MCTP1: variants seen among roughly 807,000 people sequenced by gnomAD.
MCTP1 encodes multiple C2 and transmembrane domain-containing protein 1.
A neutral mutation model predicts 120.6 loss-of-function variants in MCTP1; 69 were observed. The observed-to-expected ratio is 0.57, with a 90% CI of 0.47 to 0.70. MCTP1 has a LOEUF of 0.70. MCTP1 is among the 30% of genes least tolerant of loss of function. The pLI is 0.00. For synonymous variants in MCTP1, 529 were observed against 493.1 expected, an observed-to-expected ratio of 1.07 and a Z score of -0.96; for missense variants, 1,203 against 1,248.8, an observed-to-expected ratio of 0.96 and a Z score of 0.55.
chr5:94,733,822 G>A lies in MCTP1; in HGVS notation c.2611-18936C>T, dbSNP rs188124149. ...CTACTAAAAATACAAAAATTAGCCGGGCGTGGTGGCGGGCACCTGTAGTCC... is the reference window on the plus strand; with the variant it reads ...CTACTAAAAATACAAAAATTAGCCGAGCGTGGTGGCGGGCACCTGTAGTCC... On this transcript the variant is annotated intron_variant, in intron 19 of 22. Transcript: ENST00000515393. Among the ~76,000 whole-genome samples, 878 of 151,940 alleles carry A rather than the reference G, an allele frequency of 5.8e-3. 9 individuals are homozygous for A. The highest frequency in any genetic ancestry group is 0.02 in the African/African-American group (837 of 41,432).
At chr5:94,844,031 G>A (rs1049369685) in intron 17 of MCTP1, among the ~76,000 whole-genome samples, 2 of 152,058 alleles carry the variant, frequency 1.3e-5, no homozygotes, top group African/African-American at 2.4e-5. Context: ...GGCCGGGTGC[G>A]GTGGCTCATG....
intron 1 of MCTP1, among the ~76,000 whole-genome samples, chr5:95,197,645 A>G (rs1023700213): frequency 2.0e-5 from 3 of 152,210 alleles, no homozygotes; most frequent in Non-Finnish European, 4.4e-5. Flanking sequence ...ACACCAAATC[A>G]CATATATATA....
intron 19 of MCTP1, among the ~76,000 whole-genome samples, chr5:94,728,719 C>A (rs1471333770): frequency 2.0e-5 from 3 of 152,162 alleles, no homozygotes; most frequent in African/African-American, 7.2e-5. Flanking sequence ...TGTCTTTCTT[C>A]CCAAACGGTA....
chr5:94,868,200 T>TGTCC, intron 17 of MCTP1, 133 bp downstream of exon 17: 1 of 804,306 alleles, frequency 1.2e-6, no homozygotes, highest in Non-Finnish European at 1.7e-6. Context: ...ACGGCAAATC[T>TGTCC]GTCCAGTCAA....
intron 1 of MCTP1, among the ~76,000 whole-genome samples, chr5:95,158,397 G>A (rs767865421): frequency 2.6e-5 from 4 of 152,162 alleles, no homozygotes; most frequent in Non-Finnish European, 5.9e-5. Context: ...GAGCCTGGCT[G>A]AGATGGAAAA....
chr5:94,928,054 T>G (rs1813606310), intron 6 of MCTP1, among the ~76,000 whole-genome samples: 1 of 152,136 alleles, frequency 6.6e-6, no homozygotes, highest in South Asian at 2.1e-4. Flanking sequence ...GAAAAACTAT[T>G]CTAAACTGTT....
intron 1 of MCTP1, among the ~76,000 whole-genome samples, chr5:95,265,997 G>A (rs775841760): frequency 2.7e-4 from 41 of 152,094 alleles, no homozygotes; most frequent in Non-Finnish European, 5.4e-4. Context: ...GAAGGAAACA[G>A]AAATCAACTT....
chr5:95,101,043 G>A (rs752122022), intron 1 of MCTP1, among the ~76,000 whole-genome samples: 7 of 152,130 alleles, frequency 4.6e-5, no homozygotes, highest in Admixed American at 2.0e-4. Flanking sequence ...GACTTACGCT[G>A]TAAGAATACA....
At chr5:95,068,773 T>G (rs1345328516) in intron 1 of MCTP1, 1 of 1,271,486 alleles carries the variant, frequency 7.9e-7, no homozygotes, top group Admixed American at 2.5e-5. Flanking sequence ...TCATTTCCAC[T>G]TTGAAACTTA....
chr5:95,080,278 A>C lies in MCTP1; in HGVS notation c.721-62794T>G, dbSNP rs78296225. On this transcript the variant is annotated intron_variant, in intron 1 of 22. Coordinates refer to ENST00000515393, the MANE Select transcript of MCTP1 (RefSeq NM_024717.7). Reference sequence around the variant, plus strand: ...AGAAATTGCAAAAGTCAGATGTTACATTTTGATAATCATTCCACAAATCCA... The same window carrying C: ...AGAAATTGCAAAAGTCAGATGTTACCTTTTGATAATCATTCCACAAATCCA... 2.3e-4 allele frequency among the ~76,000 whole-genome samples: 35 copies of C among 152,282 alleles called. No individual in the cohort carries two copies. The East Asian group carries it at 6.8e-3, about 29-fold the overall frequency.
chr5:94,881,978 T>A (rs185532777), intron 12 of MCTP1, among the ~76,000 whole-genome samples: 4 of 152,316 alleles, frequency 2.6e-5, no homozygotes, highest in Non-Finnish European at 2.9e-5. Context: ...CTTTATTCAA[T>A]GTAACAGAAC....
chr5:95,114,261 A>T (rs1254676239), intron 1 of MCTP1, among the ~76,000 whole-genome samples: 2 of 152,184 alleles, frequency 1.3e-5, no homozygotes, highest in Non-Finnish European at 2.9e-5. Flanking sequence ...CAGAAAGAAA[A>T]GTAAAGAGCA....
chr5:94,836,689 A>G (rs1028027665), intron 17 of MCTP1, among the ~76,000 whole-genome samples: 3 of 152,222 alleles, frequency 2.0e-5, no homozygotes, highest in South Asian at 2.1e-4. Context: ...GTTTTGTCCT[A>G]AGCAGAACCT....
At chr5:95,000,399 C>T (rs554785826) in intron 2 of MCTP1, among the ~76,000 whole-genome samples, 1 of 151,948 alleles carries the variant, frequency 6.6e-6, no homozygotes, top group East Asian at 1.9e-4. Flanking sequence ...AGGAGGTATT[C>T]CAAAAGAAGG....
intron 2 of MCTP1, among the ~76,000 whole-genome samples, chr5:95,009,048 G>C (rs1378794594): frequency 2.8e-5 from 4 of 142,200 alleles, no homozygotes; most frequent in African/African-American, 5.3e-5. Context: ...GAGAGTGAGA[G>C]AGGGAGAAAG....
intron 17 of MCTP1, among the ~76,000 whole-genome samples, chr5:94,861,546 A>G (rs1036825642): frequency 1.3e-5 from 2 of 151,878 alleles, no homozygotes; most frequent in Non-Finnish European, 2.9e-5. Context: ...TTCCTACTTT[A>G]CAACATTTTA....
chr5:94,821,447 T>A (rs11135413), intron 17 of MCTP1, among the ~76,000 whole-genome samples: 15,158 of 152,228 alleles, frequency 0.1, 846 homozygotes, highest in East Asian at 0.25. Flanking sequence ...GAGCTCTGCA[T>A]TTTATGTGCC....
chr5:95,000,280 A>T (rs1411441709), intron 2 of MCTP1, among the ~76,000 whole-genome samples: 1 of 152,230 alleles, frequency 6.6e-6, no homozygotes, highest in East Asian at 1.9e-4. Context: ...CAACTAGGTT[A>T]CTGGTTTTTG....
chr5:95,282,882 T>A (rs1394378021), intron 1 of MCTP1, among the ~76,000 whole-genome samples: 1 of 152,236 alleles, frequency 6.6e-6, no homozygotes, highest in Non-Finnish European at 1.5e-5. Flanking sequence ...TTTAATCTAC[T>A]AATAACTAAA....
Sources: gnomAD v4.1 joint callset for allele counts (sites outside exome capture counted in the v4.1 genomes callset) on GRCh38, gnomAD v4.1.1 for gene constraint, MANE v1.5 for transcripts, NCBI Gene and HGNC (gene_info 2026-07-23, HGNC 2026-07-21) for gene names.